The following RTF1 variants were observed in gnomAD, a reference collection of about 807,000 sequenced individuals.
RTF1 encodes the protein RTF1 homolog, Paf1/RNA polymerase II complex component.
A neutral mutation model predicts 95.7 loss-of-function variants in RTF1; 10 were observed. The ratio of observed to expected loss-of-function variants is 0.10; its 90% CI spans 0.06 to 0.18. RTF1 has a LOEUF of 0.18. Among genes scored for constraint, RTF1 ranks in the 10% least tolerant of loss-of-function variants. The pLI, the probability that RTF1 is intolerant of heterozygous loss-of-function variation, is 1.00. For synonymous variants in RTF1, 305 were observed against 311.8 expected (o/e 0.98, Z 0.23); for missense variants, 458 against 875.6 (o/e 0.52, Z 6.02).
At chr15:41,474,077 G>C (rs1372259578) in intron 8 of RTF1, among the ~76,000 whole-genome samples, 2 of 152,052 alleles carry the variant, frequency 1.3e-5, no homozygotes, top group Admixed American at 6.5e-5. Flanking sequence ...GGGTCTCTCT[G>C]TGTTGCTGAG....
chr15:41,432,995 G>A (rs1335188079), intron 1 of RTF1, among the ~76,000 whole-genome samples: 3 of 152,100 alleles, frequency 2.0e-5, no homozygotes, highest in Admixed American at 1.3e-4. Context: ...GCTCACACCT[G>A]TAATCCCAAC....
intron 4 of RTF1, among the ~76,000 whole-genome samples, chr15:41,458,390 C>T (rs1009898855): frequency 1.2e-4 from 19 of 152,306 alleles, no homozygotes; most frequent in African/African-American, 4.1e-4. Flanking sequence ...CTGGGACCAT[C>T]TGACACCATA....
intron 1 of RTF1, among the ~76,000 whole-genome samples, chr15:41,423,434 A>G (rs78620773): frequency 0.13 from 18,065 of 143,432 alleles, 1,465 homozygotes; most frequent in African/African-American, 0.24. Flanking sequence ...GAGCAATGGC[A>G]CGCTGGGCTC....
rs770849931 is a variant in RTF1, at chr15:41,474,609, C to T, written c.1204-11C>T. 1 of 1,604,678 alleles carries T rather than the reference C, an allele frequency of 6.2e-7. No homozygotes were observed. Among genetic ancestry groups the T allele is most frequent in the Non-Finnish European group, 8.5e-7 (1 of 1,171,326 alleles). ...TCTGGTTTTGACTGGCGTCTCTGTC[C>T]TCTCACTTAGGTCGCTGAGATTACG... On this transcript the variant is annotated splice_polypyrimidine_tract_variant and intron_variant, in intron 8 of 17. Transcript: ENST00000389629.
At chr15:41,457,623 C>A (rs1329278845) in intron 3 of RTF1, 49 bp from the exon 4 acceptor site, 2 of 1,543,442 alleles carry the variant, frequency 1.3e-6, no homozygotes, top group Non-Finnish European at 1.8e-6. Context: ...CCGCTTGTGG[C>A]CTGTCTTCTG....
Position 41,474,638 on chromosome 15 carries a change from G to A in RTF1, c.1222G>A (p.Val408Ile). 3 of 1,614,020 alleles carry A rather than the reference G, an allele frequency of 1.9e-6. No homozygotes were observed. Among genetic ancestry groups the A allele is most frequent in the Non-Finnish European group, 2.5e-6 (3 of 1,179,886 alleles). Residue 408 changes from valine (V) to isoleucine (I), a missense_variant, in exon 9 of 18, where the codon GTT becomes ATT. This residue lies in a region of RTF1 where 150 missense variants were observed against 275.7 expected (regional missense o/e 0.54). Transcript: ENST00000389629. ...CACTTAGGTCGCTGAGATTACGGGT[G>A]TTGTGGAAACTGCCAAAGTTTACCA... ...PVYRVAEITGVVETAKVYQLG... is the reference protein window; with the variant it reads ...PVYRVAEITGIVETAKVYQLG...
At chr15:41,445,811 C>G (rs187546460) in intron 2 of RTF1, among the ~76,000 whole-genome samples, 42 of 151,364 alleles carry the variant, frequency 2.8e-4, no homozygotes, top group African/African-American at 9.2e-4. Context: ...TCTCTGCTCA[C>G]TGTAACCTCT....
At position 41,431,284 on chromosome 15, in the gene RTF1, G is replaced by A. The variant is rs186076822; in HGVS notation, c.199-7037G>A. On this transcript the variant is annotated intron_variant, in intron 1 of 17. Transcript: ENST00000389629. ...GGCTAGAGTGCAGTGGTGCAATCTCGGCTCACTGCAACCTCTGCCTTCTGG... is the reference window on the plus strand; with the variant it reads ...GGCTAGAGTGCAGTGGTGCAATCTCAGCTCACTGCAACCTCTGCCTTCTGG... Among the ~76,000 whole-genome samples the A allele has an allele frequency of 8.9e-5, 13 of 146,798 alleles. No individual in the cohort carries two copies. In the South Asian group the frequency reaches 2.2e-3, roughly 24 times the overall value.
chr15:41,480,480 G>A, intron 17 of RTF1, 101 bp from the exon 18 acceptor site: 2 of 998,668 alleles, frequency 2.0e-6, no homozygotes, highest in Non-Finnish European at 1.6e-6. Flanking sequence ...TATGGTGAGA[G>A]GGAACAGGGC....
At chr15:41,453,096 G>A in intron 3 of RTF1, 48 bp downstream of exon 3, 1 of 1,476,020 alleles carries the variant, frequency 6.8e-7, no homozygotes, top group Non-Finnish European at 9.0e-7. Context: ...ACTCTTGTCA[G>A]CTTGAAGGTG....
At chr15:41,456,063 GGGCGTGGT>G (rs2050813641) in intron 3 of RTF1, among the ~76,000 whole-genome samples, 1 of 151,688 alleles carries the variant, frequency 6.6e-6, no homozygotes, top group Admixed American at 6.6e-5. Context: ...AAAATTAGCC[GGGCGTGGT>G]GGCATGTGCC....
chr15:41,434,087 C>T (rs894137489), intron 1 of RTF1, among the ~76,000 whole-genome samples: 26 of 151,578 alleles, frequency 1.7e-4, no homozygotes, highest in African/African-American at 5.6e-4. Context: ...TCAGGTGATC[C>T]GCCACCTTGG....
chr15:41,472,850 C>T (rs557102997), intron 8 of RTF1, among the ~76,000 whole-genome samples: 7 of 152,010 alleles, frequency 4.6e-5, no homozygotes, highest in South Asian at 4.1e-4. Flanking sequence ...TACAGGCGCC[C>T]GCAACCACGC....
intron 1 of RTF1, among the ~76,000 whole-genome samples, chr15:41,436,143 C>G (rs969280340): frequency 6.6e-6 from 1 of 151,898 alleles, no homozygotes; most frequent in African/African-American, 2.4e-5. Context: ...CCCATTTCTA[C>G]TAAAAGTACA....
Position 41,475,751 on chromosome 15 carries a change from A to C in RTF1, c.1414A>C (p.Ile472Leu), listed in dbSNP as rs1350221510. 1 of 1,610,028 alleles carries C rather than the reference A, an allele frequency of 6.2e-7. No homozygotes were observed. The highest frequency in any genetic ancestry group is 1.3e-5 in the African/African-American group (1 of 74,766). The change falls in exon 11 of 18, where the codon ATC becomes CTC. Residue 472 changes from isoleucine (I) to leucine (L), a missense_variant. Transcript: ENST00000389629. ...AGMQLPTLDE[I>L]NKKELSIKEA... is the part of the protein sequence containing the mutation. Reference sequence around the variant, plus strand: ...CATGCAGTTGCCCACTCTAGATGAAATCAATAAAAAGGAATTATCTATTAA... The same window carrying C: ...CATGCAGTTGCCCACTCTAGATGAACTCAATAAAAAGGAATTATCTATTAA...
chr15:41,442,483 C>T (rs1366719831), intron 2 of RTF1, among the ~76,000 whole-genome samples: 1 of 151,560 alleles, frequency 6.6e-6, no homozygotes, highest in Non-Finnish European at 1.5e-5. Flanking sequence ...ATACGTCTTT[C>T]GTGGGTGAAA....
chr15:41,440,679 C>CGG (rs986759840), intron 2 of RTF1, among the ~76,000 whole-genome samples: 23 of 149,880 alleles, frequency 1.5e-4, no homozygotes, highest in African/African-American at 5.7e-4. Flanking sequence ...TTGGTAGAGT[C>CGG]GGGGTTTCAC....
intron 2 of RTF1, among the ~76,000 whole-genome samples, chr15:41,451,420 T>G (rs1376705074): frequency 1.3e-5 from 2 of 152,192 alleles, no homozygotes; most frequent in Non-Finnish European, 2.9e-5. Context: ...TGTATGGCCT[T>G]TCAACTTATA....
intron 6 of RTF1, among the ~76,000 whole-genome samples, chr15:41,468,511 GT>G (rs1566847394): frequency 1.3e-5 from 2 of 152,026 alleles, no homozygotes; most frequent in Non-Finnish European, 2.9e-5. Flanking sequence ...TAGAGAAGGG[GT>G]TTCACCATGT....
Sources: gnomAD v4.1 joint callset for allele counts (sites outside exome capture counted in the v4.1 genomes callset) on GRCh38, gnomAD v4.1.1 for gene constraint, gnomAD v4.1.1 regional missense constraint, MANE v1.5 for transcripts, NCBI Gene and HGNC (gene_info 2026-07-23, HGNC 2026-07-21) for gene names.